Variants in PUM2 observed in about 807,000 individuals in gnomAD.
PUM2 encodes the protein pumilio RNA binding family member 2.
A neutral mutation model predicts 124.5 loss-of-function variants in PUM2; 57 were observed. That is an observed-to-expected ratio of 0.46 (90% CI 0.37 to 0.57). The LOEUF (loss-of-function observed/expected upper bound fraction) is 0.57, where lower values mean the gene tolerates loss of function less well. PUM2 is among the 20% of genes least tolerant of loss of function. PUM2 has a pLI of 0.00. For missense variants in PUM2, 1,065 were observed against 1,290.6 expected (o/e 0.83, Z 2.68); for synonymous variants, 460 against 446.1 (o/e 1.03, Z -0.39).
intron 9 of PUM2, among the ~76,000 whole-genome samples, chr2:20,292,048 T>G (rs1045648847): frequency 6.6e-6 from 1 of 150,482 alleles, no homozygotes; most frequent in Non-Finnish European, 1.5e-5. Flanking sequence ...ACATCTGGTA[T>G]GCAGTCTTCT....
At chr2:20,339,742 T>G (rs917280354) in intron 1 of PUM2, among the ~76,000 whole-genome samples, 1 of 151,996 alleles carries the variant, frequency 6.6e-6, no homozygotes, top group Non-Finnish European at 1.5e-5. Context: ...TAGCCAACTG[T>G]GGGGGCACAC....
At chr2:20,255,166 A>C (rs1461072710) in intron 18 of PUM2, 50 bp downstream of exon 18, 2 of 1,538,836 alleles carry the variant, frequency 1.3e-6, no homozygotes, top group Non-Finnish European at 1.8e-6. Context: ...TAAAAATTAA[A>C]ACAATTTCCA....
chr2:20,309,222 C>G (rs981734402), intron 5 of PUM2, among the ~76,000 whole-genome samples: 2 of 152,054 alleles, frequency 1.3e-5, no homozygotes, highest in Non-Finnish European at 2.9e-5. Context: ...AAGCTGCAGT[C>G]TTCTTATTGA....
chr2:20,341,216 G>T (rs1373078864), intron 1 of PUM2, among the ~76,000 whole-genome samples: 1 of 151,762 alleles, frequency 6.6e-6, no homozygotes, highest in African/African-American at 2.4e-5. Context: ...TTTTGACCCA[G>T]AAGTTTCTCT....
Position 20,327,350 on chromosome 2 carries a change from T to C in PUM2, c.11A>G (p.Asp4Gly). Residue 4 changes from aspartate (D) to glycine (G), a missense_variant, in exon 2 of 21, where the codon GAT becomes GGT. By Grantham distance (94) the Asp-to-Gly change is moderately conservative. Around this residue, in one of 3 missense-constraint regions of PUM2, gnomAD observed 90 missense variants for 103.6 expected, o/e 0.87. Transcript: ENST00000361078. MNH[D>G]FQALALESRG... ...AGATTCTAATGCAAGAGCTTGAAAA[T>C]CATGATTCATTTCATCCACAGATCA... 2 of 1,584,024 alleles carry C rather than the reference T, an allele frequency of 1.3e-6. No homozygotes were observed. The highest frequency in any genetic ancestry group is 1.7e-6 in the Non-Finnish European group (2 of 1,154,658).
In PUM2 at chr2:20,301,939, A is replaced by C. The variant is rs1313857807; in HGVS notation, c.884-4261T>G. ...TTCTGTATAGAAGGAACATGATATA[A>C]TCAATCTACTACTTTTATATATTTA... On this transcript the variant is annotated intron_variant, in intron 7 of 20. Transcript: ENST00000361078. Among the ~76,000 whole-genome samples the C allele has an allele frequency of 2.6e-5, 4 of 152,224 alleles. No individual in the cohort carries two copies. In the East Asian group the frequency reaches 7.7e-4, roughly 29 times the overall value.
At chr2:20,336,978 G>A (rs1429219896) in intron 1 of PUM2, among the ~76,000 whole-genome samples, 1 of 152,024 alleles carries the variant, frequency 6.6e-6, no homozygotes, top group Non-Finnish European at 1.5e-5. Flanking sequence ...TAATAGTGGA[G>A]TAAGACATTA....
chr2:20,274,974 A>AAAAAAAAAAAAAAAAAAAAAT (rs70939032), intron 13 of PUM2, among the ~76,000 whole-genome samples: 1 of 147,934 alleles, frequency 6.8e-6, no homozygotes, highest in Non-Finnish European at 1.5e-5. Context: ...AAAAAAAAAA[A>AAAAAAAAAAAAAAAAAAAAAT]GATGCTTACT....
chr2:20,289,382 G>T (rs1673476822), intron 10 of PUM2, among the ~76,000 whole-genome samples: 1 of 152,020 alleles, frequency 6.6e-6, no homozygotes, highest in East Asian at 1.9e-4. Flanking sequence ...AGTCTCAGTG[G>T]CCCTCAAAAA....
Position 20,254,882 on chromosome 2 carries a change from T to G in PUM2, c.2851A>C (p.Ser951Arg). The change falls in exon 19 of 21, where the codon AGT (serine) becomes CGT (arginine). Residue 951 changes from serine to arginine, a missense_variant. Ser to Arg is a moderately radical substitution (Grantham distance 110). Transcript: ENST00000361078. ...SEIRGKVLAL[S>R]QHKFASNVVE... is the part of the protein sequence containing the mutation. Reference sequence around the variant, plus strand: ...CAATACCTGGCAAATTTGTGTTGACTCAGGGCTAAAACCTTTCCCCTGATT... The same window carrying G: ...CAATACCTGGCAAATTTGTGTTGACGCAGGGCTAAAACCTTTCCCCTGATT... The G allele has an allele frequency of 6.2e-7, 1 of 1,613,762 alleles. No individual in the cohort carries two copies. Among genetic ancestry groups the G allele is most frequent in the Non-Finnish European group, 8.5e-7 (1 of 1,179,886 alleles).
intron 7 of PUM2, among the ~76,000 whole-genome samples, chr2:20,299,570 A>G (rs1676459606): frequency 6.6e-6 from 1 of 152,112 alleles, no homozygotes. Context: ...CGGGAGGCTG[A>G]GGCATGAGAA....
At chr2:20,289,501 C>G (rs1171636287) in intron 10 of PUM2, among the ~76,000 whole-genome samples, 3 of 152,098 alleles carry the variant, frequency 2.0e-5, no homozygotes, top group Non-Finnish European at 4.4e-5. Flanking sequence ...CACAATGACT[C>G]CATGACAGTA....
At chr2:20,341,521 C>T (rs528768223) in intron 1 of PUM2, among the ~76,000 whole-genome samples, 12 of 152,104 alleles carry the variant, frequency 7.9e-5, no homozygotes, top group East Asian at 3.9e-4. Context: ...GTGGGAAGTA[C>T]GAAAAAATAA....
intron 7 of PUM2, among the ~76,000 whole-genome samples, chr2:20,300,526 T>C (rs1676725731): frequency 6.6e-6 from 1 of 152,182 alleles, no homozygotes; most frequent in Non-Finnish European, 1.5e-5. Flanking sequence ...GAATTTTATT[T>C]TGGTTTATAC....
chr2:20,335,683 C>T (rs1410497199), intron 1 of PUM2, among the ~76,000 whole-genome samples: 1 of 152,174 alleles, frequency 6.6e-6, no homozygotes, highest in Non-Finnish European at 1.5e-5. Context: ...AATAGTATTA[C>T]TGACTCAATT....
intron 2 of PUM2, among the ~76,000 whole-genome samples, chr2:20,321,637 A>G (rs1208025253): frequency 1.3e-5 from 2 of 151,406 alleles, no homozygotes; most frequent in African/African-American, 2.4e-5. Flanking sequence ...GTTAAAGAGG[A>G]AAAAAAAAGG....
rs1344636201 is a variant in PUM2, at chr2:20,327,463, G to A, written c.-18-85C>T. 3.7e-6 allele frequency: 3 copies of A among 819,674 alleles called. No homozygotes were observed. In the African/African-American group the frequency reaches 5.2e-5, roughly 14 times the overall value. The allele number at this position is 819,674 out of a possible 1,614,324, so 50.8% of individuals were successfully genotyped here. A position where few individuals can be genotyped will look rare whatever the true frequency, so the allele number is the denominator to read the frequency against. ...TATTTTTATATTATATTGCTGCTAT[G>A]ACTAATATTAGCATGATCTGAGAAA... On this transcript the variant is annotated intron_variant, in intron 1 of 20. Transcript: ENST00000361078.
rs1325156355 is a variant in PUM2, at chr2:20,260,401, A to T, written c.2291T>A (p.Leu764Gln). ...AGTCATTAATTGATAGGCTGCTTGC[A>T]GAATTTCATTAAATACCATCTGTCG... ...AERQMVFNEI[L>Q]QAAYQLMTDV... The change falls in exon 15 of 21, where the codon CTG (leucine) becomes CAG (glutamine). Residue 764 changes from leucine (L) to glutamine (Q), a missense_variant. This residue lies in a region of PUM2 where 968 missense variants were observed against 1,159.8 expected (regional missense o/e 0.83). Transcript: ENST00000361078. 1 of 1,612,650 alleles carries T rather than the reference A, an allele frequency of 6.2e-7. No individual in the cohort carries two copies. Among genetic ancestry groups the T allele is most frequent in the Non-Finnish European group, 8.5e-7 (1 of 1,178,868 alleles).
chr2:20,286,051 ACAAGGGG>A (rs1000019338), intron 10 of PUM2, among the ~76,000 whole-genome samples: 2 of 152,224 alleles, frequency 1.3e-5, no homozygotes, highest in African/African-American at 4.8e-5. Context: ...AAGACAGGCA[ACAAGGGG>A]CCAGATCCTT....
Sources: allele counts gnomAD v4.1 joint callset (sites outside exome capture counted in the v4.1 genomes callset), GRCh38; gene constraint gnomAD v4.1.1; regional missense constraint gnomAD v4.1.1; transcripts MANE v1.5; gene names NCBI Gene and HGNC (gene_info 2026-07-23, HGNC 2026-07-21).